Variants in NTM observed in about 807,000 individuals in gnomAD.
NTM encodes the protein neurotrimin, also known as IgLON family member 2.
In NTM, 13 loss-of-function variants were observed where a neutral mutation model predicts 42.1. The observed-to-expected ratio is 0.31, with a 90% CI of 0.20 to 0.49. The LOEUF (loss-of-function observed/expected upper bound fraction) is 0.49, where lower values mean the gene tolerates loss of function less well. Among genes scored for constraint, NTM ranks in the 20% least tolerant of loss-of-function variants. NTM has a pLI of 0.99. For synonymous variants in NTM, 187 were observed against 179.2 expected (o/e 1.04, Z -0.35); for missense variants, 373 against 452.8 (o/e 0.82, Z 1.60).
intron 1 of NTM, among the ~76,000 whole-genome samples, chr11:131,875,488 T>C (rs1399103177): frequency 2.0e-5 from 3 of 152,226 alleles, no homozygotes; most frequent in African/African-American, 7.2e-5. Context: ...TGTTTTCATG[T>C]CCTTCAGCCA....
chr11:131,485,622 C>T (rs146194550), intron 1 of NTM, among the ~76,000 whole-genome samples: 2 of 152,330 alleles, frequency 1.3e-5, no homozygotes, highest in South Asian at 2.1e-4. Context: ...ATTTATGTTA[C>T]ATCTGAGAAT....
intron 1 of NTM, among the ~76,000 whole-genome samples, chr11:131,753,744 G>T (rs919626277): frequency 6.6e-6 from 1 of 151,612 alleles, no homozygotes; most frequent in Admixed American, 6.6e-5. Flanking sequence ...GACTGTTGTG[G>T]GGTGGTTGGA....
chr11:132,286,172 T>G (rs1260159472), intron 4 of NTM, among the ~76,000 whole-genome samples: 1 of 152,202 alleles, frequency 6.6e-6, no homozygotes, highest in Admixed American at 6.5e-5. Context: ...TTTAAAATAT[T>G]TAAACTGATC....
intron 1 of NTM, among the ~76,000 whole-genome samples, chr11:131,695,888 C>A (rs1211316768): frequency 6.6e-6 from 1 of 152,154 alleles, no homozygotes; most frequent in Non-Finnish European, 1.5e-5. Flanking sequence ...GGTCTATGTC[C>A]CTTCACTCCT....
chr11:132,088,229 C>T (rs565585709), intron 2 of NTM, among the ~76,000 whole-genome samples: 2 of 152,170 alleles, frequency 1.3e-5, no homozygotes, highest in African/African-American at 2.4e-5. Flanking sequence ...ACATTCCCGA[C>T]CCCTGAGAGT....
intron 1 of NTM, chr11:131,660,904 C>A: frequency 7.7e-7 from 1 of 1,290,358 alleles, no homozygotes; most frequent in Non-Finnish European, 1.0e-6. Flanking sequence ...TGATGCATGG[C>A]TTTCTCTTCT....
At chr11:131,525,295 G>A (rs1317284947) in intron 1 of NTM, among the ~76,000 whole-genome samples, 5 of 152,198 alleles carry the variant, frequency 3.3e-5, no homozygotes, top group Non-Finnish European at 5.9e-5. Flanking sequence ...CCATCACAGG[G>A]CATTGGCAAT....
intron 3 of NTM, among the ~76,000 whole-genome samples, chr11:132,194,653 A>C (rs1200289898): frequency 6.6e-6 from 1 of 152,066 alleles, no homozygotes; most frequent in African/African-American, 2.4e-5. Context: ...AAGGCATCCA[A>C]ATAGGAAGGT....
At chr11:131,677,946 C>T (rs2695812) in intron 1 of NTM, among the ~76,000 whole-genome samples, 116,073 of 152,132 alleles carry the variant, frequency 0.76, 44,390 homozygotes, top group African/African-American at 0.79. Flanking sequence ...TGCAAGTGAT[C>T]AGCTCTCCTG....
intron 4 of NTM, among the ~76,000 whole-genome samples, chr11:132,286,834 T>C (rs1331815420): frequency 6.6e-6 from 1 of 152,162 alleles, no homozygotes; most frequent in African/African-American, 2.4e-5. Context: ...GCATCAGACT[T>C]AGGAAGCTCC....
chr11:131,875,753 T>G (rs1232277014), intron 1 of NTM, among the ~76,000 whole-genome samples: 1 of 152,218 alleles, frequency 6.6e-6, no homozygotes, highest in African/African-American at 2.4e-5. Context: ...GTGGGCTTCA[T>G]GGACACTGTC....
At chr11:131,956,759 C>T (rs1442738075) in intron 2 of NTM, among the ~76,000 whole-genome samples, 1 of 152,138 alleles carries the variant, frequency 6.6e-6, no homozygotes, top group Non-Finnish European at 1.5e-5. Flanking sequence ...GGGTGTGAGT[C>T]AATGGCCTTC....
At chr11:131,875,865 A>G (rs759913933) in intron 1 of NTM, among the ~76,000 whole-genome samples, 15 of 152,142 alleles carry the variant, frequency 9.9e-5, no homozygotes, top group Admixed American at 3.3e-4. Context: ...AAGGCTTTCC[A>G]AGAACTGTTT....
intron 4 of NTM, among the ~76,000 whole-genome samples, chr11:132,257,091 G>C (rs528369143): frequency 7.2e-5 from 11 of 152,186 alleles, no homozygotes; most frequent in African/African-American, 2.4e-5. Context: ...ATCAAAGCGC[G>C]CTCTGGCACC....
intron 1 of NTM, among the ~76,000 whole-genome samples, chr11:131,720,231 A>G (rs1565465698): frequency 1.3e-5 from 2 of 152,230 alleles, no homozygotes; most frequent in Non-Finnish European, 2.9e-5. Flanking sequence ...CATAACAAGC[A>G]TATATGATAA....
At chr11:131,823,837 G>A (rs1425634035) in intron 1 of NTM, among the ~76,000 whole-genome samples, 1 of 152,178 alleles carries the variant, frequency 6.6e-6, no homozygotes, top group Non-Finnish European at 1.5e-5. Flanking sequence ...AATGTAAAAA[G>A]TTGTTACTTT....
chr11:132,131,613 G>A (rs571344396), intron 2 of NTM, among the ~76,000 whole-genome samples: 1 of 152,186 alleles, frequency 6.6e-6, no homozygotes, highest in East Asian at 1.9e-4. Flanking sequence ...TTGGGGCATG[G>A]GAGAGCATGC....
At chr11:131,399,302 T>G (rs1331169301) in intron 1 of NTM, among the ~76,000 whole-genome samples, 1 of 152,158 alleles carries the variant, frequency 6.6e-6, no homozygotes, top group African/African-American at 2.4e-5. Context: ...AGAAGAGAGA[T>G]GGACTCACGA....
intron 4 of NTM, among the ~76,000 whole-genome samples, chr11:132,281,837 A>T (rs1202603029): frequency 6.6e-6 from 1 of 152,234 alleles, no homozygotes; most frequent in Non-Finnish European, 1.5e-5. Context: ...GACTTCACAC[A>T]TGATAAAAAG....
Sources: gnomAD v4.1 joint callset for allele counts (sites outside exome capture counted in the v4.1 genomes callset) on GRCh38, gnomAD v4.1.1 for gene constraint, MANE v1.5 for transcripts, NCBI Gene and HGNC (gene_info 2026-07-23, HGNC 2026-07-21) for gene names.